SPOCK3: variants seen among roughly 807,000 people sequenced by gnomAD.
The protein encoded by SPOCK3 is SPARC (osteonectin), cwcv and kazal like domains proteoglycan 3.
Under a neutral mutation model 56.6 loss-of-function variants are expected in SPOCK3, and 30 were observed. The ratio of observed to expected loss-of-function variants is 0.53; its 90% CI spans 0.40 to 0.72. SPOCK3 has a LOEUF of 0.72. Ranked by LOEUF, SPOCK3 falls within the 30% of genes least tolerant of loss-of-function variation. SPOCK3 has a pLI of 0.00. For synonymous variants in SPOCK3, 196 were observed against 183.3 expected (o/e 1.07, Z -0.56); for missense variants, 527 against 530.0 (o/e 0.99, Z 0.06).
intron 5 of SPOCK3, among the ~76,000 whole-genome samples, chr4:166,907,831 C>A (rs983417005): frequency 1.3e-5 from 2 of 151,762 alleles, no homozygotes; most frequent in African/African-American, 4.8e-5. Flanking sequence ...AGAAAGTATC[C>A]CCATAAATGA....
chr4:167,227,963 A>G (rs1334071320), intron 2 of SPOCK3, among the ~76,000 whole-genome samples: 1 of 152,160 alleles, frequency 6.6e-6, no homozygotes, highest in Non-Finnish European at 1.5e-5. Flanking sequence ...AAGAAACAGA[A>G]AAGCACACTG....
chr4:166,841,892 G>A (rs929444885), intron 6 of SPOCK3, among the ~76,000 whole-genome samples: 4 of 152,162 alleles, frequency 2.6e-5, no homozygotes, highest in Admixed American at 6.5e-5. Flanking sequence ...GGACCCTTGC[G>A]ATGAGTGTTA....
intron 6 of SPOCK3, among the ~76,000 whole-genome samples, chr4:166,879,997 G>A (rs1733521521): frequency 6.6e-6 from 1 of 152,126 alleles, no homozygotes; most frequent in African/African-American, 2.4e-5. Context: ...CTGAGCTGCA[G>A]AAGCCCTGAT....
chr4:166,794,535 T>C (rs1741698794), intron 6 of SPOCK3, among the ~76,000 whole-genome samples: 1 of 152,072 alleles, frequency 6.6e-6, no homozygotes, highest in Non-Finnish European at 1.5e-5. Context: ...GCTGTATTAA[T>C]GTTCAAAAGT....
intron 4 of SPOCK3, among the ~76,000 whole-genome samples, chr4:166,997,197 G>A (rs1196928198): frequency 6.6e-6 from 1 of 151,952 alleles, no homozygotes; most frequent in Non-Finnish European, 1.5e-5. Context: ...AAGGTAAACA[G>A]ATTATGCATG....
chr4:166,866,267 T>C (rs1323137854), intron 6 of SPOCK3, among the ~76,000 whole-genome samples: 3 of 152,142 alleles, frequency 2.0e-5, no homozygotes, highest in African/African-American at 4.8e-5. Context: ...TCACACCTTA[T>C]ACAAAAATTA....
intron 2 of SPOCK3, among the ~76,000 whole-genome samples, chr4:167,135,309 A>G (rs997832601): frequency 1.3e-5 from 2 of 152,102 alleles, no homozygotes; most frequent in African/African-American, 4.8e-5. Context: ...AAGATTTGGA[A>G]AGTTTTAAGA....
At chr4:167,046,475 T>A (rs1327468006) in intron 3 of SPOCK3, among the ~76,000 whole-genome samples, 16 of 133,222 alleles carry the variant, frequency 1.2e-4, no homozygotes, top group African/African-American at 3.5e-4. Context: ...TTTTTTTTTT[T>A]AACAAAGTCT....
At chr4:166,903,806 G>T (rs1043296060) in intron 5 of SPOCK3, among the ~76,000 whole-genome samples, 1 of 151,990 alleles carries the variant, frequency 6.6e-6, no homozygotes, top group Non-Finnish European at 1.5e-5. Flanking sequence ...TGCATTTAGG[G>T]TGGGAAGCGG....
Position 167,145,228 on chromosome 4 carries a change from G to T in SPOCK3, c.190-82691C>A, listed in dbSNP as rs1051465679. Among the ~76,000 whole-genome samples the T allele has an allele frequency of 2.6e-5, 4 of 152,142 alleles. No homozygotes were observed. In the East Asian group the frequency reaches 7.7e-4, roughly 29 times the overall value. On this transcript the variant is annotated intron_variant, in intron 2 of 10. Coordinates refer to ENST00000357545, the MANE Select transcript of SPOCK3 (RefSeq NM_001040159.2). Reference sequence around the variant, plus strand: ...TTGAATAAAGTAAAAGAAGAGGATTGCCATTTACTGACTTGGGAGACTGTG... The same window carrying T: ...TTGAATAAAGTAAAAGAAGAGGATTTCCATTTACTGACTTGGGAGACTGTG...
intron 2 of SPOCK3, among the ~76,000 whole-genome samples, chr4:167,201,887 T>C (rs879345270): frequency 9.9e-5 from 15 of 152,068 alleles, no homozygotes; most frequent in African/African-American, 2.9e-4. Context: ...GTATGATTTA[T>C]GTATGACTTC....
chr4:167,098,230 G>A lies in SPOCK3; in HGVS notation c.190-35693C>T, dbSNP rs576537624. On this transcript the variant is annotated intron_variant, in intron 2 of 10. Transcript: ENST00000357545. Reference sequence around the variant, plus strand: ...CTTCCCCTCCACCTGCTAGAACCAAGAAGGAATCTTTCTCAGAGATTTACT... The same window carrying A: ...CTTCCCCTCCACCTGCTAGAACCAAAAAGGAATCTTTCTCAGAGATTTACT... 1.1e-4 allele frequency among the ~76,000 whole-genome samples: 16 copies of A among 152,058 alleles called. No homozygotes were observed. In the South Asian group the frequency reaches 3.1e-3, roughly 30 times the overall value.
At chr4:166,860,802 C>CATATATATATATATACATAT in intron 6 of SPOCK3, among the ~76,000 whole-genome samples, 1 of 101,938 alleles carries the variant, frequency 9.8e-6, no homozygotes, top group Non-Finnish European at 2.0e-5. Flanking sequence ...CACACAAATT[C>CATATATATATATATACATAT]ATATATATAT....
At chr4:166,965,630 CTACTT>C (rs67142724) in intron 4 of SPOCK3, among the ~76,000 whole-genome samples, 25,964 of 151,768 alleles carry the variant, frequency 0.17, 2,377 homozygotes, top group African/African-American at 0.24. Context: ...TATAACTTGT[CTACTT>C]TATCAAGTCT....
intron 2 of SPOCK3, among the ~76,000 whole-genome samples, chr4:167,193,808 C>G (rs1416907041): frequency 2.7e-5 from 4 of 145,712 alleles, no homozygotes; most frequent in African/African-American, 1.0e-4. Flanking sequence ...TTTTCTCTGT[C>G]TGACTTTTGA....
intron 7 of SPOCK3, among the ~76,000 whole-genome samples, chr4:166,775,905 C>T (rs1302396476): frequency 1.3e-5 from 2 of 152,024 alleles, no homozygotes; most frequent in South Asian, 2.1e-4. Context: ...TATAAATGTG[C>T]ATTCAAACAA....
chr4:167,197,111 AG>A (rs1733031125), intron 2 of SPOCK3, among the ~76,000 whole-genome samples: 1 of 152,142 alleles, frequency 6.6e-6, no homozygotes, highest in Non-Finnish European at 1.5e-5. Context: ...TGCATCTACC[AG>A]GCTTGGGTCA....
chr4:166,737,188 A>G (rs1319432410), intron 10 of SPOCK3, among the ~76,000 whole-genome samples: 2 of 152,156 alleles, frequency 1.3e-5, no homozygotes, highest in Non-Finnish European at 2.9e-5. Context: ...GCTGAGAGGA[A>G]AAGAAGTACC....
intron 4 of SPOCK3, among the ~76,000 whole-genome samples, chr4:166,946,396 T>G (rs985551898): frequency 6.6e-6 from 1 of 152,226 alleles, no homozygotes; most frequent in African/African-American, 2.4e-5. Context: ...CCAGGCTCAG[T>G]CTGCTCCCAG....
Sources: allele counts gnomAD v4.1 joint callset (sites outside exome capture counted in the v4.1 genomes callset), GRCh38; gene constraint gnomAD v4.1.1; transcripts MANE v1.5; gene names NCBI Gene and HGNC (gene_info 2026-07-23, HGNC 2026-07-21).